SNTB2: variants seen among roughly 807,000 people sequenced by gnomAD.
SNTB2 encodes the protein beta-2-syntrophin.
Under a neutral mutation model 46.2 loss-of-function variants are expected in SNTB2, and 34 were observed. That is an observed-to-expected ratio of 0.74 (90% CI 0.56 to 0.98). The LOEUF is 0.98. Ranked by LOEUF, SNTB2 falls within the 50% of genes least tolerant of loss-of-function variation. SNTB2 has a pLI of 0.00. For missense variants in SNTB2, 603 were observed against 731.4 expected (o/e 0.82, Z 2.02); for synonymous variants, 290 against 312.6 (o/e 0.93, Z 0.76).
intron 1 of SNTB2, among the ~76,000 whole-genome samples, chr16:69,225,706 A>T (rs1964451886): frequency 6.6e-6 from 1 of 152,234 alleles, no homozygotes; most frequent in Non-Finnish European, 1.5e-5. Context: ...TGTGTGTCAA[A>T]CATTTTAAAG....
At chr16:69,282,605 A>C (rs986500487) in intron 4 of SNTB2, among the ~76,000 whole-genome samples, 1 of 149,224 alleles carries the variant, frequency 6.7e-6, no homozygotes, top group Non-Finnish European at 1.5e-5. Flanking sequence ...CAAACTTTGG[A>C]ATCAGTTTAT....
chr16:69,245,776 T>C lies in SNTB2; in HGVS notation c.755T>C (p.Phe252Ser), dbSNP rs1964664719. 6.2e-7 allele frequency: 1 copy of C among 1,613,906 alleles called. No individual in the cohort carries two copies. The highest frequency in any genetic ancestry group is 1.7e-5 in the Admixed American group (1 of 59,970). The change falls in exon 2 of 7, where the codon TTT (phenylalanine) becomes TCT (serine). Residue 252 changes from phenylalanine (F) to serine (S), a missense_variant. Physicochemically the swap from Phe to Ser is radical, Grantham distance 155. Transcript: ENST00000336278. Reference protein sequence around the residue: ...DRKIIPLKMCFAARNLSMPDL... With the variant: ...DRKIIPLKMCSAARNLSMPDL... ...AAGATCATCCCTCTCAAAATGTGCTTTGCTGCTAGAAACCTAAGCATGCCG... is the reference window on the plus strand; with the variant it reads ...AAGATCATCCCTCTCAAAATGTGCTCTGCTGCTAGAAACCTAAGCATGCCG...
intron 2 of SNTB2, among the ~76,000 whole-genome samples, chr16:69,252,931 T>G (rs1964739759): frequency 2.2e-5 from 3 of 138,984 alleles, no homozygotes; most frequent in Admixed American, 7.7e-5. Context: ...TGAGATGGAG[T>G]CTTTGTCGCC....
At chr16:69,211,071 C>G (rs1280434790) in intron 1 of SNTB2, among the ~76,000 whole-genome samples, 1 of 151,988 alleles carries the variant, frequency 6.6e-6, no homozygotes, top group Non-Finnish European at 1.5e-5. Context: ...TCAAGCATTC[C>G]TTTCACCTTG....
rs142600890 is a variant in SNTB2 at position 69,242,849 on chromosome 16, G to A, written c.581-2753G>A. Among the ~76,000 whole-genome samples, 28 of 152,108 alleles carry A rather than the reference G, an allele frequency of 1.8e-4. No homozygotes were observed. The East Asian group carries it at 5.2e-3, about 28-fold the overall frequency. On this transcript the variant is annotated intron_variant, in intron 1 of 6. Coordinates refer to ENST00000336278, the MANE Select transcript of SNTB2 (RefSeq NM_006750.4). ...ATCCTGGCTAGCACGGTGAAACCCC[G>A]TCTCTACTAAAAATACAAAAAATTA...
chr16:69,245,255 G>T (rs959086072), intron 1 of SNTB2, among the ~76,000 whole-genome samples: 2 of 152,142 alleles, frequency 1.3e-5, no homozygotes, highest in African/African-American at 2.4e-5. Flanking sequence ...CTGGAGTGCA[G>T]TGGCACAATC....
At position 69,292,407 on chromosome 16, in the gene SNTB2, TTATATATATATTATATA is replaced by T. The variant is rs1567416468; in HGVS notation, c.1346-7159_1346-7143del. ...TATATATATTATATATATATATATA[TTATATATATATTATATA>T]TATATATATATTATATATATATAAT... On this transcript the variant is annotated intron_variant, in intron 5 of 6. Transcript: ENST00000336278. Among the ~76,000 whole-genome samples the T allele has an allele frequency of 1.6e-4, 2 of 12,474 alleles. 1 individual carries two copies. The highest frequency in any genetic ancestry group is 2.8e-4 in the Non-Finnish European group (2 of 7,094). The allele number at this position is 12,474 out of a possible 152,430, so 8.2% of individuals were successfully genotyped here. A position where few individuals can be genotyped will look rare whatever the true frequency, so the allele number is the denominator to read the frequency against.
chr16:69,257,286 A>G (rs901817163), intron 2 of SNTB2, among the ~76,000 whole-genome samples: 4 of 152,110 alleles, frequency 2.6e-5, no homozygotes, highest in African/African-American at 4.8e-5. Flanking sequence ...TAGGAAATCA[A>G]AGAGCTCATC....
At chr16:69,241,204 C>G (rs1282361841) in intron 1 of SNTB2, among the ~76,000 whole-genome samples, 1 of 99,902 alleles carries the variant, frequency 1.0e-5, no homozygotes, top group Non-Finnish European at 1.9e-5. Context: ...TGTGATGGAG[C>G]CTCACTTTCT....
At chr16:69,224,551 A>G (rs1964440640) in intron 1 of SNTB2, among the ~76,000 whole-genome samples, 1 of 152,186 alleles carries the variant, frequency 6.6e-6, no homozygotes, top group South Asian at 2.1e-4. Flanking sequence ...AGATTATGCA[A>G]ACACACAGTT....
At chr16:69,211,291 GTGTA>G (rs1458841233) in intron 1 of SNTB2, among the ~76,000 whole-genome samples, 1 of 152,022 alleles carries the variant, frequency 6.6e-6, no homozygotes, top group Non-Finnish European at 1.5e-5. Context: ...GTACTTTTGA[GTGTA>G]TGTATTTAAG....
chr16:69,219,827 T>G (rs1405291405), intron 1 of SNTB2, among the ~76,000 whole-genome samples: 2 of 152,152 alleles, frequency 1.3e-5, no homozygotes, highest in Non-Finnish European at 2.9e-5. Context: ...CTTGGCTCAC[T>G]GCAACCTCCG....
intron 1 of SNTB2, among the ~76,000 whole-genome samples, chr16:69,231,581 C>T (rs921227617): frequency 2.6e-5 from 4 of 152,152 alleles, no homozygotes; most frequent in Non-Finnish European, 5.9e-5. Context: ...AGGAGTGAAA[C>T]TCCATCTCAA....
intron 1 of SNTB2, among the ~76,000 whole-genome samples, chr16:69,189,820 A>G (rs1964033723): frequency 1.3e-5 from 2 of 152,216 alleles, no homozygotes; most frequent in Non-Finnish European, 1.5e-5. Flanking sequence ...GTAAAATGAA[A>G]ACCTTGCAGT....
At chr16:69,236,184 G>A (rs1184995570) in intron 1 of SNTB2, among the ~76,000 whole-genome samples, 2 of 152,034 alleles carry the variant, frequency 1.3e-5, no homozygotes, top group South Asian at 4.2e-4. Context: ...ATATTTGAGG[G>A]GACAGAAGAG....
At chr16:69,216,199 T>C (rs547736438) in intron 1 of SNTB2, among the ~76,000 whole-genome samples, 1 of 152,348 alleles carries the variant, frequency 6.6e-6, no homozygotes, top group South Asian at 2.1e-4. Flanking sequence ...ACTGAGCTCC[T>C]GCTCTTTACC....
intron 1 of SNTB2, among the ~76,000 whole-genome samples, chr16:69,234,640 A>G (rs888867175): frequency 2.6e-5 from 4 of 152,158 alleles, no homozygotes; most frequent in Non-Finnish European, 5.9e-5. Context: ...AACAACTGAT[A>G]AGGAAAGGAA....
At chr16:69,209,063 C>T (rs942770105) in intron 1 of SNTB2, among the ~76,000 whole-genome samples, 4 of 151,982 alleles carry the variant, frequency 2.6e-5, no homozygotes, top group African/African-American at 7.3e-5. Context: ...CTGCAAGCTC[C>T]GCCTCCCAGG....
At chr16:69,269,449 G>A (rs1964917549) in intron 3 of SNTB2, among the ~76,000 whole-genome samples, 1 of 152,028 alleles carries the variant, frequency 6.6e-6, no homozygotes, top group Non-Finnish European at 1.5e-5. Flanking sequence ...ACCAGGAGGT[G>A]AAGGTTGCAG....
Sources: gnomAD v4.1 joint callset for allele counts (sites outside exome capture counted in the v4.1 genomes callset) on GRCh38, gnomAD v4.1.1 for gene constraint, MANE v1.5 for transcripts, NCBI Gene and HGNC (gene_info 2026-07-23, HGNC 2026-07-21) for gene names.